NKAIN2: variants seen among roughly 807,000 people sequenced by gnomAD.
The protein encoded by NKAIN2 is sodium/potassium transporting ATPase interacting 2, also known as sodium/potassium-transporting ATPase subunit beta-1-interacting protein 2.
A neutral mutation model predicts 32.6 loss-of-function variants in NKAIN2; 14 were observed. The ratio of observed to expected loss-of-function variants is 0.43; its 90% CI spans 0.28 to 0.67. The LOEUF is 0.67. Among genes scored for constraint, NKAIN2 ranks in the 30% least tolerant of loss-of-function variants. The pLI is 0.17. For missense variants in NKAIN2, 198 were observed against 258.3 expected, an observed-to-expected ratio of 0.77 and a Z score of 1.60; for synonymous variants, 80 against 87.2, an observed-to-expected ratio of 0.92 and a Z score of 0.46.
chr6:124,124,678 G>T (rs920312541), intron 1 of NKAIN2, among the ~76,000 whole-genome samples: 1 of 151,998 alleles, frequency 6.6e-6, no homozygotes, highest in Non-Finnish European at 1.5e-5. Context: ...TTAGTATTAC[G>T]CCTGTCTTTG....
intron 3 of NKAIN2, among the ~76,000 whole-genome samples, chr6:124,651,073 G>A (rs1784351184): frequency 6.6e-6 from 1 of 152,158 alleles, no homozygotes; most frequent in Non-Finnish European, 1.5e-5. Flanking sequence ...GGGGTGACTT[G>A]TCTCAATAAA....
chr6:124,083,900 C>T (rs981949024), intron 1 of NKAIN2, among the ~76,000 whole-genome samples: 2 of 151,780 alleles, frequency 1.3e-5, no homozygotes, highest in African/African-American at 4.8e-5. Flanking sequence ...GGATAGATCC[C>T]AGGATGAAAA....
chr6:124,635,008 GAA>G (rs1783718244), intron 3 of NKAIN2, among the ~76,000 whole-genome samples: 1 of 146,830 alleles, frequency 6.8e-6, no homozygotes, highest in African/African-American at 2.5e-5. Flanking sequence ...AAAAAGAAAA[GAA>G]AAAGACAAGG....
At chr6:124,599,406 C>G (rs1055052929) in intron 3 of NKAIN2, among the ~76,000 whole-genome samples, 1 of 152,050 alleles carries the variant, frequency 6.6e-6, no homozygotes, top group African/African-American at 2.4e-5. Flanking sequence ...TTAATTGGAG[C>G]AAGACATCTT....
rs554106258 is a variant in NKAIN2 at position 124,550,567 on chromosome 6, G to C, written c.274-107619G>C. Among the ~76,000 whole-genome samples, 12 of 152,266 alleles carry C rather than the reference G, an allele frequency of 7.9e-5. No homozygotes were observed. In the East Asian group the frequency reaches 2.3e-3, roughly 29 times the overall value. ...GGCCCCTGGTGTGCTCGTTACTAGG[G>C]CAGTGTCAGTGCTTCCAGCCACAGG... On this transcript the variant is annotated intron_variant, in intron 3 of 6. Transcript: ENST00000368417.
At chr6:124,482,360 T>A (rs144502716) in intron 3 of NKAIN2, among the ~76,000 whole-genome samples, 12 of 152,270 alleles carry the variant, frequency 7.9e-5, no homozygotes, top group African/African-American at 2.9e-4. Flanking sequence ...TAAAATTCCT[T>A]TATAATTCAA....
At chr6:124,054,567 T>A (rs937604644) in intron 1 of NKAIN2, among the ~76,000 whole-genome samples, 23 of 152,112 alleles carry the variant, frequency 1.5e-4, no homozygotes, top group African/African-American at 5.1e-4. Context: ...GCTAGGGAAA[T>A]AGCACTTCCA....
chr6:124,606,089 T>G (rs981962123), intron 3 of NKAIN2, among the ~76,000 whole-genome samples: 3 of 152,106 alleles, frequency 2.0e-5, no homozygotes, highest in African/African-American at 7.2e-5. Context: ...GGTGCCATTT[T>G]TTGTCACTTA....
At chr6:124,039,049 G>A (rs962388570) in intron 1 of NKAIN2, among the ~76,000 whole-genome samples, 7 of 151,960 alleles carry the variant, frequency 4.6e-5, no homozygotes, top group African/African-American at 1.7e-4. Context: ...ATATAAAAAG[G>A]ACATTCTTAC....
chr6:124,345,899 T>G (rs1012388765), intron 2 of NKAIN2, among the ~76,000 whole-genome samples: 1 of 152,216 alleles, frequency 6.6e-6, no homozygotes, highest in Non-Finnish European at 1.5e-5. Context: ...TTGCTCTTGC[T>G]TTTCTAGTTC....
At chr6:124,471,905 A>G (rs1776989539) in intron 3 of NKAIN2, among the ~76,000 whole-genome samples, 1 of 152,148 alleles carries the variant, frequency 6.6e-6, no homozygotes, top group Non-Finnish European at 1.5e-5. Context: ...GAGAATTTTT[A>G]ATGGATAATT....
intron 1 of NKAIN2, among the ~76,000 whole-genome samples, chr6:124,165,414 C>T (rs1309779482): frequency 6.6e-6 from 1 of 151,812 alleles, no homozygotes; most frequent in Non-Finnish European, 1.5e-5. Flanking sequence ...TATTCAATTT[C>T]CTTTTTTGCT....
At chr6:124,453,690 A>C (rs1294467267) in intron 3 of NKAIN2, among the ~76,000 whole-genome samples, 1 of 152,126 alleles carries the variant, frequency 6.6e-6, no homozygotes, top group South Asian at 2.1e-4. Flanking sequence ...TGATGCTGAA[A>C]TTTTGTATCA....
At chr6:124,476,031 T>A (rs1191664432) in intron 3 of NKAIN2, among the ~76,000 whole-genome samples, 4 of 149,206 alleles carry the variant, frequency 2.7e-5, no homozygotes, top group South Asian at 4.3e-4. Context: ...TGTGTGTGTG[T>A]GAGAGAGTGT....
intron 3 of NKAIN2, among the ~76,000 whole-genome samples, chr6:124,417,430 G>A (rs1774541066): frequency 6.6e-6 from 1 of 152,184 alleles, no homozygotes; most frequent in South Asian, 2.1e-4. Flanking sequence ...ACAACAGAGA[G>A]AAATAGACTG....
intron 2 of NKAIN2, among the ~76,000 whole-genome samples, chr6:124,310,633 A>G (rs1009366870): frequency 2.6e-5 from 4 of 152,184 alleles, no homozygotes; most frequent in Non-Finnish European, 5.9e-5. Context: ...CAGGATAAGT[A>G]GATTCATTCA....
At chr6:124,000,684 T>C (rs1779844478) in intron 1 of NKAIN2, among the ~76,000 whole-genome samples, 1 of 152,036 alleles carries the variant, frequency 6.6e-6, no homozygotes, top group African/African-American at 2.4e-5. Flanking sequence ...AATGTAAGGG[T>C]AGCTAGAGAG....
At chr6:124,028,925 G>GTA (rs201017247) in intron 1 of NKAIN2, among the ~76,000 whole-genome samples, 44,731 of 80,968 alleles carry the variant, frequency 0.55, 8,377 homozygotes, top group East Asian at 0.68. Context: ...ATATATATGT[G>GTA]TATATATATA....
intron 1 of NKAIN2, among the ~76,000 whole-genome samples, chr6:124,120,136 A>G (rs953791): frequency 0.023 from 3,475 of 152,268 alleles, 46 homozygotes; most frequent in Non-Finnish European, 0.028. Flanking sequence ...TTCAGTTTCC[A>G]AGATAAGAGT....
Sources: allele counts gnomAD v4.1 joint callset (sites outside exome capture counted in the v4.1 genomes callset), GRCh38; gene constraint gnomAD v4.1.1; transcripts MANE v1.5; gene names NCBI Gene and HGNC (gene_info 2026-07-23, HGNC 2026-07-21).